LARP7: variants seen among roughly 807,000 people sequenced by gnomAD.
LARP7 encodes la-related protein 7.
LARP7 carries 52 observed loss-of-function variants against 69.3 expected under a neutral mutation model. That is an observed-to-expected ratio of 0.75 (90% CI 0.60 to 0.95). The LOEUF (loss-of-function observed/expected upper bound fraction) is 0.95, where lower values mean the gene tolerates loss of function less well. Ranked by LOEUF, LARP7 falls within the 40% of genes least tolerant of loss-of-function variation. LARP7 has a pLI of 0.00. For synonymous variants in LARP7, 254 were observed against 215.9 expected (o/e 1.18, Z -1.55); for missense variants, 733 against 673.0 (o/e 1.09, Z -0.99).
chr4:112,646,281 A>C, intron 2 of LARP7, 70 bp from the exon 3 acceptor site: 1 of 757,514 alleles, frequency 1.3e-6, no homozygotes, highest in East Asian at 2.9e-5. Flanking sequence ...CCTGAGGGGC[A>C]GGTTAAATTG....
At chr4:112,644,945 CTTTT>C (rs58234206) in intron 2 of LARP7, 74 bp downstream of exon 2, 105 of 168,122 alleles carry the variant, frequency 6.2e-4, no homozygotes, top group Middle Eastern at 2.8e-3. Context: ...ATAATATATT[CTTTT>C]TTTTTTTTTT....
chr4:112,643,520 G>C lies in LARP7; in HGVS notation c.-2-1148G>C, dbSNP rs561407083. On this transcript the variant is annotated intron_variant, in intron 1 of 12. Coordinates refer to ENST00000344442, the MANE Select transcript of LARP7 (RefSeq NM_016648.4). ...GAGGGGGTTAGAAATTGCTGCCCAA[G>C]AAATAAACACTGGGATGAGAAGGCC... Among the ~76,000 whole-genome samples the C allele has an allele frequency of 3.3e-5, 5 of 152,240 alleles. No homozygotes were observed. In the South Asian group the frequency reaches 1.0e-3, roughly 32 times the overall value.
chr4:112,646,402 C>T lies in LARP7; in HGVS notation c.254C>T (p.Thr85Ile). ...VSFNKMKKLTTDGKLIARALR... is the reference protein window; with the variant it reads ...VSFNKMKKLTIDGKLIARALR... Reference sequence around the variant, plus strand: ...TTTAACAAAATGAAAAAATTGACTACTGATGGGAAGTTAATTGCCAGAGCA... The same window carrying T: ...TTTAACAAAATGAAAAAATTGACTATTGATGGGAAGTTAATTGCCAGAGCA... Residue 85 changes from threonine to isoleucine, a missense_variant, in exon 3 of 13, where the codon ACT (threonine) becomes ATT (isoleucine). Transcript: ENST00000344442. 1 of 1,604,892 alleles carries T rather than the reference C, an allele frequency of 6.2e-7. No homozygotes were observed.
intron 11 of LARP7, among the ~76,000 whole-genome samples, chr4:112,653,804 G>C (rs970561913): frequency 6.6e-6 from 1 of 152,132 alleles, no homozygotes; most frequent in African/African-American, 2.4e-5. Flanking sequence ...TATATTTTTA[G>C]TAGAGAAGGG....
intron 1 of LARP7, among the ~76,000 whole-genome samples, chr4:112,641,979 T>G (rs562746393): frequency 1.3e-5 from 2 of 152,238 alleles, no homozygotes; most frequent in African/African-American, 4.8e-5. Context: ...CTGAGTCCAA[T>G]TTAGGCATCA....
chr4:112,646,526 A>G (rs2048256219), intron 3 of LARP7, 62 bp from the exon 4 acceptor site: 6 of 1,265,864 alleles, frequency 4.7e-6, no homozygotes, highest in South Asian at 4.4e-5. Flanking sequence ...TGATTATTAT[A>G]TGATTATAGC....
At chr4:112,649,810 C>G in intron 9 of LARP7, 124 bp downstream of exon 9, 4 of 604,416 alleles carry the variant, frequency 6.6e-6, no homozygotes, top group Non-Finnish European at 1.1e-5. Flanking sequence ...ATTATTAGAA[C>G]AATTCTTGAT....
At chr4:112,638,743 A>T (rs1344273345) in intron 1 of LARP7, among the ~76,000 whole-genome samples, 1 of 152,246 alleles carries the variant, frequency 6.6e-6, no homozygotes, top group Admixed American at 6.5e-5. Context: ...TCAATGATGT[A>T]CTTACTCACC....
At chr4:112,655,768 G>A (rs1240201615) in intron 12 of LARP7, among the ~76,000 whole-genome samples, 1 of 152,166 alleles carries the variant, frequency 6.6e-6, no homozygotes, top group Non-Finnish European at 1.5e-5. Flanking sequence ...AGCTGAGGTT[G>A]TCTGGAAAAC....
rs200393300 is a variant in LARP7 at position 112,646,604 on chromosome 4, C to T, written c.320C>T (p.Thr107Ile). 5.1e-4 allele frequency: 817 copies of T among 1,593,454 alleles called. No homozygotes were observed. In the Middle Eastern group the frequency reaches 5.7e-3, roughly 11 times the overall value. The change falls in exon 4 of 13, where the codon ACC becomes ATC. Residue 107 changes from threonine (T) to isoleucine (I), a missense_variant. By Grantham distance (89) the Thr-to-Ile change is moderately conservative. Coordinates refer to ENST00000344442, the MANE Select transcript of LARP7 (RefSeq NM_016648.4). The part of the protein sequence containing the change: ...SAVVELDLEG[T>I]RIRRKKPLGE... ...ATTTTAAAGCTTGATTTGGAAGGCA[C>T]CAGAATCCGGAGGAAAAAACCTCTG...
chr4:112,651,941 G>A (rs553266711), intron 10 of LARP7, among the ~76,000 whole-genome samples: 1 of 150,768 alleles, frequency 6.6e-6, no homozygotes, highest in East Asian at 1.9e-4. Context: ...ATCTAAATTT[G>A]GTACTAATTA....
rs1352821789 is a variant in LARP7, at chr4:112,647,726, G to A, written c.1034G>A (p.Gly345Glu). 4 of 1,556,768 alleles carry A rather than the reference G, an allele frequency of 2.6e-6. No homozygotes were observed. Among genetic ancestry groups the A allele is most frequent in the Non-Finnish European group, 2.6e-6 (3 of 1,153,762 alleles). The part of the protein sequence containing the change: ...EISTEEEKDT[G>E]DLKDSSLLKT... ...TCTACTGAAGAGGAAAAGGATACTG[G>A]AGATCTAAAAGATAGCTCTCTCTTG... The change falls in exon 8 of 13, where the codon GGA (glycine) becomes GAA (glutamate). Residue 345 changes from glycine (G) to glutamate (E), a missense_variant. Physicochemically the swap from Gly to Glu is moderately conservative, Grantham distance 98. Transcript: ENST00000344442.
At position 112,644,733 on chromosome 4, in the gene LARP7, G is replaced by A. The variant is rs2048097636; in HGVS notation, c.64G>A (p.Glu22Lys). The A allele has an allele frequency of 6.3e-7, 1 of 1,596,662 alleles. No homozygotes were observed. The highest frequency in any genetic ancestry group is 1.7e-5 in the Admixed American group (1 of 59,776). ...AGAAGAAAGCACTGAAAAGAAAAAA[G>A]AAGTTGAAAAAAAGAAACGGTCACG... ...MEEESTEKKK[E>K]VEKKKRSRVK... The change falls in exon 2 of 13, where the codon GAA (glutamate) becomes AAA (lysine). Residue 22 changes from glutamate (E) to lysine (K), a missense_variant. Transcript: ENST00000344442.
At chr4:112,648,435 C>T (rs570633839) in intron 8 of LARP7, 5 of 534,494 alleles carry the variant, frequency 9.4e-6, no homozygotes, top group South Asian at 7.0e-5. Context: ...CAAAGGGGAT[C>T]CCTTCAAATG....
chr4:112,643,722 G>T (rs1397998841), intron 1 of LARP7, among the ~76,000 whole-genome samples: 1 of 152,012 alleles, frequency 6.6e-6, no homozygotes, highest in Non-Finnish European at 1.5e-5. Flanking sequence ...ATTGGCAGTG[G>T]TGCCTGTATT....
At chr4:112,645,708 T>TA (rs2048173980) in intron 2 of LARP7, 1 of 434,472 alleles carries the variant, frequency 2.3e-6, no homozygotes, top group Non-Finnish European at 4.6e-6. Flanking sequence ...TTTTAAGAGA[T>TA]ATGGGGTCCC....
At chr4:112,654,997 T>G (rs1276892683) in intron 12 of LARP7, among the ~76,000 whole-genome samples, 1 of 146,674 alleles carries the variant, frequency 6.8e-6, no homozygotes, top group Non-Finnish European at 1.5e-5. Context: ...TGGGGTCATA[T>G]TTATACAAAA....
rs1194186077 is a variant in LARP7, at chr4:112,647,440, G to A, written c.888G>A (p.Lys296=). 6.2e-7 allele frequency: 1 copy of A among 1,613,958 alleles called. No individual in the cohort carries two copies. Among genetic ancestry groups the A allele is most frequent in the Non-Finnish European group, 8.5e-7 (1 of 1,180,014 alleles). Residue 296 remains lysine (K), a synonymous_variant, in exon 7 of 13, where the codon AAG becomes AAA. Transcript: ENST00000344442. The part of the protein sequence containing the change: ...SLPEVRTGKR[K]RSSSEDAESL... Reference sequence around the variant, plus strand: ...CTGAAGTCAGAACAGGGAAGAGGAAGAGAAGCAGCTCTGAAGATGCAGAAT... The same window carrying A: ...CTGAAGTCAGAACAGGGAAGAGGAAAAGAAGCAGCTCTGAAGATGCAGAAT...
intron 1 of LARP7, among the ~76,000 whole-genome samples, chr4:112,641,533 T>C (rs1474669453): frequency 1.3e-5 from 2 of 152,072 alleles, no homozygotes; most frequent in Non-Finnish European, 2.9e-5. Context: ...ATAAAGTTCT[T>C]GTAGTTGTTC....
Sources: allele counts gnomAD v4.1 joint callset (sites outside exome capture counted in the v4.1 genomes callset), GRCh38; gene constraint gnomAD v4.1.1; transcripts MANE v1.5; gene names NCBI Gene and HGNC (gene_info 2026-07-23, HGNC 2026-07-21).